BNC2: variants seen among roughly 807,000 people sequenced by gnomAD.
BNC2 encodes basonuclin zinc finger protein 2.
Under a neutral mutation model 76.3 loss-of-function variants are expected in BNC2, and 20 were observed. That is an observed-to-expected ratio of 0.26 (90% confidence interval 0.18 to 0.38). BNC2 has a LOEUF of 0.38. BNC2 is among the 10% of genes least tolerant of loss of function. The probability of loss-of-function intolerance (pLI) is 1.00; values close to 1 mark genes in which losing one functional copy is unlikely to be tolerated. For missense variants in BNC2, 1,382 were observed against 1,399.8 expected, an observed-to-expected ratio of 0.99 and a Z score of 0.20; for synonymous variants, 582 against 514.8, an observed-to-expected ratio of 1.13 and a Z score of -1.77.
At chr9:16,549,758 C>CT (rs1304520466) in intron 5 of BNC2, among the ~76,000 whole-genome samples, 4 of 151,720 alleles carry the variant, frequency 2.6e-5, no homozygotes, top group African/African-American at 9.7e-5. Flanking sequence ...GGACCATTTG[C>CT]TTTTTTTTCC....
At chr9:16,424,633 G>A (rs553981055) in intron 6 of BNC2, among the ~76,000 whole-genome samples, 1 of 152,230 alleles carries the variant, frequency 6.6e-6, no homozygotes, top group East Asian at 1.9e-4. Context: ...ATGTATGTGT[G>A]TACATATATG....
intron 5 of BNC2, among the ~76,000 whole-genome samples, chr9:16,526,467 C>CTTT (rs144511624): frequency 3.3e-4 from 16 of 48,818 alleles, no homozygotes; most frequent in African/African-American, 5.1e-4. Flanking sequence ...TAGTTTAATG[C>CTTT]TTTTTTTTTT....
intron 2 of BNC2, among the ~76,000 whole-genome samples, chr9:16,736,812 C>T (rs1366896417): frequency 6.7e-6 from 1 of 149,496 alleles, no homozygotes; most frequent in Non-Finnish European, 1.5e-5. Flanking sequence ...ATAATGGATA[C>T]ACTTTTGGCC....
At chr9:16,581,898 C>T (rs1338912510) in intron 4 of BNC2, among the ~76,000 whole-genome samples, 3 of 152,072 alleles carry the variant, frequency 2.0e-5, no homozygotes, top group Non-Finnish European at 4.4e-5. Flanking sequence ...TACCCCTTCC[C>T]GGGTATTCCT....
At chr9:16,464,036 G>A (rs1821648542) in intron 5 of BNC2, among the ~76,000 whole-genome samples, 1 of 144,496 alleles carries the variant, frequency 6.9e-6, no homozygotes, top group South Asian at 2.2e-4. Flanking sequence ...AGAGGTTACA[G>A]TGAGCCAAGA....
chr9:16,786,601 T>A (rs1167541093), intron 1 of BNC2, among the ~76,000 whole-genome samples: 1 of 152,290 alleles, frequency 6.6e-6, no homozygotes, highest in Admixed American at 6.5e-5. Context: ...GGATACCATA[T>A]AATCAGGGTT....
At chr9:16,457,035 T>C (rs550004338) in intron 5 of BNC2, among the ~76,000 whole-genome samples, 2 of 152,216 alleles carry the variant, frequency 1.3e-5, no homozygotes, top group African/African-American at 4.8e-5. Context: ...AGAACGAACA[T>C]TGTGTTATGT....
At chr9:16,841,685 C>T (rs995032574) in intron 1 of BNC2, among the ~76,000 whole-genome samples, 6 of 151,480 alleles carry the variant, frequency 4.0e-5, no homozygotes, top group South Asian at 2.1e-4. Context: ...ACACTTAAAA[C>T]GTGAAAAAAA....
intron 3 of BNC2, among the ~76,000 whole-genome samples, chr9:16,629,184 A>C (rs1821088669): frequency 2.0e-5 from 3 of 152,224 alleles, no homozygotes; most frequent in Admixed American, 2.0e-4. Context: ...TGCCTAATTT[A>C]GCCAAACACA....
At position 16,795,383 on chromosome 9, in the gene BNC2, CTT is replaced by C. The variant is rs34156905; in HGVS notation, c.4-56900_4-56899del. 7.4e-3 allele frequency among the ~76,000 whole-genome samples: 1,061 copies of C among 142,502 alleles called. 2 individuals carry two copies. Among genetic ancestry groups the C allele is most frequent in the African/African-American group, 0.01 (400 of 38,354 alleles). The allele number at this position is 142,502 out of a possible 152,430, so 93.5% of individuals were successfully genotyped here. On this transcript the variant is annotated intron_variant, in intron 1 of 6. Transcript: ENST00000380672. Reference sequence around the variant, plus strand: ...GATGACTGCTAACTGCTAATTCTGGCTTTTTTTTTTTTTTTTAAACACACTCC... The same window carrying C: ...GATGACTGCTAACTGCTAATTCTGGCTTTTTTTTTTTTTTAAACACACTCC...
rs1047697059 is a variant in BNC2 at position 16,578,346 on chromosome 9, C to T, written c.433+4637G>A. On this transcript the variant is annotated intron_variant, in intron 4 of 6. Coordinates refer to ENST00000380672, the MANE Select transcript of BNC2 (RefSeq NM_017637.6). ...ATAAAGTCCTCATCTAAACTATGGA[C>T]ATTAAAACTAACTTGCAAATATTAA... Among the ~76,000 whole-genome samples the T allele has an allele frequency of 2.0e-5, 3 of 152,250 alleles. No individual in the cohort carries two copies. In the East Asian group the frequency reaches 5.8e-4, roughly 29 times the overall value.
intron 1 of BNC2, among the ~76,000 whole-genome samples, chr9:16,782,270 C>A (rs1450394751): frequency 6.6e-6 from 1 of 151,600 alleles, no homozygotes; most frequent in Admixed American, 6.6e-5. Flanking sequence ...GGTGACAGAG[C>A]AAGACTCTGT....
chr9:16,498,133 A>G (rs1822434986), intron 5 of BNC2, among the ~76,000 whole-genome samples: 1 of 121,952 alleles, frequency 8.2e-6, no homozygotes, highest in Non-Finnish European at 1.6e-5. Context: ...TCTATCATAT[A>G]TATATTCTAT....
At chr9:16,500,389 A>C (rs940824618) in intron 5 of BNC2, among the ~76,000 whole-genome samples, 1 of 152,032 alleles carries the variant, frequency 6.6e-6, no homozygotes, top group African/African-American at 2.4e-5. Flanking sequence ...AATGTATAGC[A>C]CTTGTCTCGG....
intron 6 of BNC2, among the ~76,000 whole-genome samples, chr9:16,427,993 T>C (rs991284166): frequency 6.6e-6 from 1 of 152,228 alleles, no homozygotes. Flanking sequence ...GGATTTTTTA[T>C]GGTACTGTCA....
intron 1 of BNC2, among the ~76,000 whole-genome samples, chr9:16,778,550 T>C (rs555307182): frequency 1.3e-5 from 2 of 152,338 alleles, no homozygotes; most frequent in African/African-American, 4.8e-5. Context: ...TCAGATACTT[T>C]CACATTATTT....
At chr9:16,638,397 CAG>C (rs1331207966) in intron 3 of BNC2, among the ~76,000 whole-genome samples, 2 of 152,102 alleles carry the variant, frequency 1.3e-5, no homozygotes, top group Admixed American at 6.6e-5. Context: ...CTGGATAAAA[CAG>C]AAAACTTGGA....
At chr9:16,458,211 AG>A (rs150372135) in intron 5 of BNC2, among the ~76,000 whole-genome samples, 18,936 of 152,220 alleles carry the variant, frequency 0.12, 1,510 homozygotes, top group African/African-American at 0.23. Flanking sequence ...ATGGAAGCCA[AG>A]GGACCATGCT....
chr9:16,829,170 C>T (rs111266175), intron 1 of BNC2, among the ~76,000 whole-genome samples: 5 of 152,292 alleles, frequency 3.3e-5, no homozygotes, highest in African/African-American at 1.2e-4. Flanking sequence ...CCGTCTGGCA[C>T]GGACTTGTGA....
Sources: allele counts gnomAD v4.1 joint callset (sites outside exome capture counted in the v4.1 genomes callset), GRCh38; gene constraint gnomAD v4.1.1; transcripts MANE v1.5; gene names NCBI Gene and HGNC (gene_info 2026-07-23, HGNC 2026-07-21).